Variants in EFCAB11 observed in about 807,000 individuals in gnomAD.
EFCAB11 encodes EF-hand calcium-binding domain-containing protein 11.
EFCAB11 carries 14 observed loss-of-function variants against 23.0 expected under a neutral mutation model. The observed-to-expected ratio is 0.61, with a 90% CI of 0.40 to 0.95. The LOEUF (loss-of-function observed/expected upper bound fraction) is 0.95, where lower values mean the gene tolerates loss of function less well. Ranked by LOEUF, EFCAB11 falls within the 40% of genes least tolerant of loss-of-function variation. The probability of loss-of-function intolerance (pLI) is 0.00; values close to 1 mark genes in which losing one functional copy is unlikely to be tolerated. For missense variants in EFCAB11, 198 were observed against 195.8 expected, an observed-to-expected ratio of 1.01 and a Z score of -0.07; for synonymous variants, 65 against 66.6, an observed-to-expected ratio of 0.98 and a Z score of 0.11.
intron 5 of EFCAB11, among the ~76,000 whole-genome samples, chr14:89,887,078 AC>A: frequency 6.6e-6 from 1 of 152,358 alleles, no homozygotes; most frequent in African/African-American, 2.4e-5. Flanking sequence ...AGTGCTCTGA[AC>A]TAACCTGAAC....
At chr14:89,945,847 T>C (rs1890959379) in intron 3 of EFCAB11, among the ~76,000 whole-genome samples, 1 of 152,150 alleles carries the variant, frequency 6.6e-6, no homozygotes, top group African/African-American at 2.4e-5. Context: ...TATGGATTTG[T>C]CCATTTTTCT....
intron 5 of EFCAB11, among the ~76,000 whole-genome samples, chr14:89,838,166 T>C (rs1887146111): frequency 6.6e-6 from 1 of 152,106 alleles, no homozygotes; most frequent in African/African-American, 2.4e-5. Flanking sequence ...TTAAAAGCAG[T>C]TCAATGAATG....
intron 5 of EFCAB11, among the ~76,000 whole-genome samples, chr14:89,899,973 G>C (rs1405354480): frequency 6.6e-6 from 1 of 152,080 alleles, no homozygotes; most frequent in African/African-American, 2.4e-5. Context: ...CTTAATGTGG[G>C]CTGTATTTTA....
intron 3 of EFCAB11, among the ~76,000 whole-genome samples, chr14:89,942,860 T>C (rs946973472): frequency 1.3e-5 from 2 of 152,236 alleles, no homozygotes; most frequent in Admixed American, 6.5e-5. Flanking sequence ...TCACTCTTCT[T>C]AATTTTCACG....
intron 5 of EFCAB11, among the ~76,000 whole-genome samples, chr14:89,835,497 T>C (rs72693781): frequency 0.069 from 10,482 of 151,904 alleles, 394 homozygotes; most frequent in South Asian, 0.11. Flanking sequence ...TGAGGTCAGG[T>C]GTGGAATTTT....
intron 5 of EFCAB11, among the ~76,000 whole-genome samples, chr14:89,829,674 A>G (rs1308098090): frequency 1.3e-5 from 2 of 152,256 alleles, no homozygotes; most frequent in Non-Finnish European, 2.9e-5. Context: ...GGCAAAAATG[A>G]AAGTTCAAAG....
chr14:89,850,822 C>T (rs1373896247), intron 5 of EFCAB11, among the ~76,000 whole-genome samples: 1 of 152,136 alleles, frequency 6.6e-6, no homozygotes, highest in East Asian at 1.9e-4. Flanking sequence ...GCTACATGGC[C>T]TCATTTATTA....
intron 5 of EFCAB11, among the ~76,000 whole-genome samples, chr14:89,818,573 C>G (rs1886406921): frequency 6.6e-6 from 1 of 152,156 alleles, no homozygotes; most frequent in Admixed American, 6.6e-5. Flanking sequence ...AATTTCTGCT[C>G]TTCAACAAAC....
intron 5 of EFCAB11, among the ~76,000 whole-genome samples, chr14:89,930,475 C>G (rs1890351365): frequency 6.6e-6 from 1 of 152,204 alleles, no homozygotes; most frequent in African/African-American, 2.4e-5. Context: ...TGCAGCTGTG[C>G]ATGACCTTGG....
chr14:89,843,640 T>C (rs1265051704), intron 5 of EFCAB11, among the ~76,000 whole-genome samples: 1 of 152,190 alleles, frequency 6.6e-6, no homozygotes, highest in African/African-American at 2.4e-5. Flanking sequence ...TTTGAAAACA[T>C]ATCAATTAAC....
intron 5 of EFCAB11, among the ~76,000 whole-genome samples, chr14:89,916,524 AAAG>A (rs1889849787): frequency 6.6e-6 from 1 of 152,246 alleles, no homozygotes; most frequent in Non-Finnish European, 1.5e-5. Flanking sequence ...AAAGCCTAGT[AAAG>A]AAGACCATTT....
chr14:89,828,432 A>G (rs527684386), intron 5 of EFCAB11, among the ~76,000 whole-genome samples: 24 of 152,312 alleles, frequency 1.6e-4, no homozygotes, highest in African/African-American at 5.1e-4. Context: ...TTTTCTGAGT[A>G]TGACAGGGGT....
intron 5 of EFCAB11, among the ~76,000 whole-genome samples, chr14:89,930,211 C>T (rs1023443980): frequency 6.6e-6 from 1 of 152,338 alleles, no homozygotes; most frequent in Middle Eastern, 3.4e-3. Flanking sequence ...AATGATGCAG[C>T]AAATGAATTT....
chr14:89,856,191 T>C (rs111881741), intron 5 of EFCAB11, among the ~76,000 whole-genome samples: 1 of 62,886 alleles, frequency 1.6e-5, no homozygotes, highest in East Asian at 3.6e-4. Flanking sequence ...TCTCTCTCTC[T>C]CTTTTTTTTT....
At chr14:89,887,348 G>A (rs758462278) in intron 5 of EFCAB11, among the ~76,000 whole-genome samples, 11 of 152,120 alleles carry the variant, frequency 7.2e-5, no homozygotes, top group Non-Finnish European at 1.5e-4. Flanking sequence ...ATAGAAGGTA[G>A]CAAACAACTA....
At chr14:89,938,229 C>T (rs377203891) in intron 3 of EFCAB11, 1 of 151,942 alleles carries the variant, frequency 6.6e-6, no homozygotes, top group East Asian at 1.9e-4. Context: ...AAGCCTGGTC[C>T]TAGATTTAGT....
intron 5 of EFCAB11, among the ~76,000 whole-genome samples, chr14:89,906,021 A>G (rs1360136319): frequency 6.6e-6 from 1 of 152,186 alleles, no homozygotes; most frequent in East Asian, 1.9e-4. Context: ...AAACATTTTC[A>G]GCTATTTAAA....
intron 3 of EFCAB11, among the ~76,000 whole-genome samples, chr14:89,948,220 C>G (rs1376797716): frequency 6.6e-6 from 1 of 152,128 alleles, no homozygotes; most frequent in East Asian, 1.9e-4. Flanking sequence ...AAATGGCAAA[C>G]AGGCATATGT....
At chr14:89,864,640 T>C (rs1888030020) in intron 5 of EFCAB11, among the ~76,000 whole-genome samples, 2 of 152,164 alleles carry the variant, frequency 1.3e-5, no homozygotes. Flanking sequence ...GGTTTTTTCA[T>C]GCTGCCCAGG....
Sources: gnomAD v4.1 joint callset for allele counts (sites outside exome capture counted in the v4.1 genomes callset) on GRCh38, gnomAD v4.1.1 for gene constraint, MANE v1.5 for transcripts, NCBI Gene and HGNC (gene_info 2026-07-23, HGNC 2026-07-21) for gene names.